Variants in EPHA3 observed in about 807,000 individuals in gnomAD.
EPHA3 encodes the protein EPH receptor A3, also known as ephrin type-A receptor 3.
Under a neutral mutation model 107.1 loss-of-function variants are expected in EPHA3, and 42 were observed. The ratio of observed to expected loss-of-function variants is 0.39; its 90% CI spans 0.31 to 0.51. The LOEUF is 0.51. EPHA3 is among the 20% of genes least tolerant of loss of function. The probability of loss-of-function intolerance (pLI) is 0.78; values close to 1 mark genes in which losing one functional copy is unlikely to be tolerated. For missense variants in EPHA3, 1,183 were observed against 1,211.2 expected (o/e 0.98, Z 0.35); for synonymous variants, 461 against 424.8 (o/e 1.09, Z -1.05).
intron 3 of EPHA3, among the ~76,000 whole-genome samples, chr3:89,318,981 C>T (rs549368534): frequency 2.3e-4 from 35 of 152,014 alleles, no homozygotes; most frequent in African/African-American, 8.2e-4. Flanking sequence ...GGTTTTCTTA[C>T]TTACCATATG....
intron 3 of EPHA3, among the ~76,000 whole-genome samples, chr3:89,230,738 A>G (rs1159204979): frequency 2.6e-5 from 4 of 151,654 alleles, no homozygotes; most frequent in African/African-American, 4.8e-5. Context: ...TTCAGATTTT[A>G]TAGTACATCT....
intron 15 of EPHA3, among the ~76,000 whole-genome samples, chr3:89,459,479 C>A (rs1576390101): frequency 6.9e-6 from 1 of 144,322 alleles, no homozygotes; most frequent in Non-Finnish European, 1.5e-5. Context: ...CCTTCCTTCT[C>A]TCCTTCCTTC....
chr3:89,249,462 G>T (rs772409997), intron 3 of EPHA3, among the ~76,000 whole-genome samples: 11 of 152,010 alleles, frequency 7.2e-5, no homozygotes, highest in Non-Finnish European at 1.5e-4. Flanking sequence ...TTTTTTATTA[G>T]TATTAGTAGT....
At chr3:89,168,914 C>G (rs1705142041) in intron 2 of EPHA3, among the ~76,000 whole-genome samples, 2 of 152,150 alleles carry the variant, frequency 1.3e-5, no homozygotes, top group African/African-American at 4.8e-5. Context: ...AGAAAAGTCT[C>G]AGAGAGATGT....
At chr3:89,125,638 G>A (rs1704076934) in intron 1 of EPHA3, among the ~76,000 whole-genome samples, 1 of 151,432 alleles carries the variant, frequency 6.6e-6, no homozygotes, top group Non-Finnish European at 1.5e-5. Flanking sequence ...CTTCTAATTA[G>A]GATTAATTTA....
chr3:89,211,813 TTC>T (rs1704106251), intron 3 of EPHA3, among the ~76,000 whole-genome samples: 2 of 107,494 alleles, frequency 1.9e-5, no homozygotes, highest in African/African-American at 4.8e-5. Context: ...CTTCTTCTTC[TTC>T]TTCTCCTTCT....
rs569596162 is a variant in EPHA3 at position 89,153,356 on chromosome 3, C to A, written c.153+26083C>A. Reference sequence around the variant, plus strand: ...TTGCCTCTTTATTTTCAGCCTTCTGCAAAATGTAGATTCATATATCCAACT... The same window carrying A: ...TTGCCTCTTTATTTTCAGCCTTCTGAAAAATGTAGATTCATATATCCAACT... On this transcript the variant is annotated intron_variant, in intron 2 of 16. Coordinates refer to ENST00000336596, the MANE Select transcript of EPHA3 (RefSeq NM_005233.6). Among the ~76,000 whole-genome samples the A allele has an allele frequency of 3.9e-5, 6 of 152,138 alleles. No homozygotes were observed. The East Asian group carries it at 1.2e-3, about 30-fold the overall frequency.
At chr3:89,127,719 C>T (rs1211220136) in intron 2 of EPHA3, among the ~76,000 whole-genome samples, 1 of 151,882 alleles carries the variant, frequency 6.6e-6, no homozygotes, top group Non-Finnish European at 1.5e-5. Context: ...CAGTATAAAC[C>T]TATGTTGTCT....
intron 5 of EPHA3, among the ~76,000 whole-genome samples, chr3:89,364,504 G>C (rs1305357597): frequency 6.6e-6 from 1 of 151,134 alleles, no homozygotes; most frequent in Non-Finnish European, 1.5e-5. Context: ...CAGACAGGCA[G>C]AAAATTTATA....
In EPHA3 at chr3:89,151,541, A is replaced by G. The variant is rs186013429; in HGVS notation, c.153+24268A>G. Among the ~76,000 whole-genome samples, 147 of 152,192 alleles carry G rather than the reference A, an allele frequency of 9.7e-4. 3 individuals are homozygous for G. The East Asian group carries it at 0.021, about 22-fold the overall frequency. On this transcript the variant is annotated intron_variant, in intron 2 of 16. Transcript: ENST00000336596. ...TAGGGTCAGCATAGTGAGGAGCAGG[A>G]AGAGGCAGCTCACTGGTGCTTTGCG...
intron 10 of EPHA3, 60 bp downstream of exon 10, chr3:89,413,326 T>C: frequency 6.3e-7 from 1 of 1,595,402 alleles, no homozygotes; most frequent in Non-Finnish European, 8.6e-7. Context: ...TTGCTCAGTC[T>C]CTGAAACCTA....
intron 3 of EPHA3, among the ~76,000 whole-genome samples, chr3:89,257,950 T>C (rs1463586166): frequency 6.6e-6 from 1 of 152,202 alleles, no homozygotes; most frequent in Non-Finnish European, 1.5e-5. Context: ...TGTCACTCCA[T>C]AAATTTTTAA....
At chr3:89,184,829 A>G (rs71322858) in intron 2 of EPHA3, among the ~76,000 whole-genome samples, 22,003 of 152,042 alleles carry the variant, frequency 0.14, 1,769 homozygotes, top group African/African-American at 0.22. Context: ...AAGGGATAGC[A>G]GCAGTGATAT....
chr3:89,399,713 C>T, intron 7 of EPHA3: 1 of 1,223,630 alleles, frequency 8.2e-7, no homozygotes, highest in African/African-American at 1.6e-5. Flanking sequence ...ATTCTAATGC[C>T]TGAAATGCTT....
intron 3 of EPHA3, among the ~76,000 whole-genome samples, chr3:89,217,152 C>T (rs1301654152): frequency 1.3e-5 from 2 of 152,140 alleles, no homozygotes; most frequent in Non-Finnish European, 2.9e-5. Flanking sequence ...GTTTACATTA[C>T]AGCTCTGACA....
chr3:89,316,797 G>A (rs1270995191), intron 3 of EPHA3, among the ~76,000 whole-genome samples: 2 of 151,422 alleles, frequency 1.3e-5, no homozygotes, highest in Non-Finnish European at 3.0e-5. Context: ...AGTATCAGTT[G>A]TGAAATATAA....
intron 3 of EPHA3, among the ~76,000 whole-genome samples, chr3:89,316,658 A>G (rs1404267016): frequency 2.7e-5 from 4 of 150,848 alleles, no homozygotes; most frequent in Non-Finnish European, 5.9e-5. Flanking sequence ...AATATGCTAC[A>G]GTTTTCTCTT....
chr3:89,274,554 C>T (rs1705759227), intron 3 of EPHA3, among the ~76,000 whole-genome samples: 1 of 151,750 alleles, frequency 6.6e-6, no homozygotes, highest in African/African-American at 2.4e-5. Context: ...ATCTGAAAGC[C>T]ATAGATTTAT....
chr3:89,395,731 A>T (rs1273979599), intron 5 of EPHA3, 106 bp from the exon 6 acceptor site: 1 of 1,356,918 alleles, frequency 7.4e-7, no homozygotes, highest in Non-Finnish European at 1.0e-6. Flanking sequence ...TGGAACAATG[A>T]TAGACTCCAT....
Sources: gnomAD v4.1 joint callset for allele counts (sites outside exome capture counted in the v4.1 genomes callset) on GRCh38, gnomAD v4.1.1 for gene constraint, MANE v1.5 for transcripts, NCBI Gene and HGNC (gene_info 2026-07-23, HGNC 2026-07-21) for gene names.